The following CDK14 variants were observed in gnomAD, a reference collection of about 807,000 sequenced individuals.
The protein encoded by CDK14 is cyclin-dependent kinase 14.
In CDK14, 34 loss-of-function variants were observed where a neutral mutation model predicts 60.7. The ratio of observed to expected loss-of-function variants is 0.56; its 90% CI spans 0.43 to 0.75. The LOEUF (loss-of-function observed/expected upper bound fraction) is 0.75, where lower values mean the gene tolerates loss of function less well. Among genes scored for constraint, CDK14 ranks in the 30% least tolerant of loss-of-function variants. The pLI is 0.00. For missense variants in CDK14, 482 were observed against 564.1 expected (o/e 0.85, Z 1.47); for synonymous variants, 197 against 203.7 (o/e 0.97, Z 0.28).
intron 5 of CDK14, among the ~76,000 whole-genome samples, chr7:90,845,559 T>C (rs1465571022): frequency 6.6e-6 from 1 of 152,056 alleles, no homozygotes; most frequent in Non-Finnish European, 1.5e-5. Flanking sequence ...TATCCAAGTT[T>C]ACATGTATGG....
intron 2 of CDK14, among the ~76,000 whole-genome samples, chr7:90,685,539 C>T (rs1403767145): frequency 6.6e-6 from 1 of 151,840 alleles, no homozygotes; most frequent in Non-Finnish European, 1.5e-5. Context: ...GTGTTAGTGG[C>T]ACTGTCATAG....
chr7:91,045,923 A>T lies in CDK14; in HGVS notation c.1068A>T (p.Thr356=). The change falls in exon 11 of 15, where the codon ACA becomes ACT. Residue 356 remains threonine, a synonymous_variant. Transcript: ENST00000380050. ...TTCTTGGAACACCAAATGAGGACACATGGCCTGGAGTTCATTCTTTACCAC... is the reference window on the plus strand; with the variant it reads ...TTCTTGGAACACCAAATGAGGACACTTGGCCTGGAGTTCATTCTTTACCAC... ...FLVLGTPNED[T]WPGVHSLPHF... is the part of the protein sequence containing the mutation. The T allele has an allele frequency of 6.2e-7, 1 of 1,611,572 alleles. No individual in the cohort carries two copies. Among genetic ancestry groups the T allele is most frequent in the Non-Finnish European group, 8.5e-7 (1 of 1,177,770 alleles).
intron 4 of CDK14, among the ~76,000 whole-genome samples, chr7:90,759,765 C>G (rs912136588): frequency 6.6e-6 from 1 of 152,178 alleles, no homozygotes; most frequent in South Asian, 2.1e-4. Flanking sequence ...TTTTCTCAGA[C>G]TTCACATGCC....
intron 5 of CDK14, among the ~76,000 whole-genome samples, chr7:90,839,625 T>C (rs1259272131): frequency 6.6e-6 from 1 of 152,242 alleles, no homozygotes; most frequent in Non-Finnish European, 1.5e-5. Context: ...ACATATTACA[T>C]GTAAGAAACA....
chr7:91,055,162 C>T (rs1434137296), intron 11 of CDK14, among the ~76,000 whole-genome samples: 2 of 152,080 alleles, frequency 1.3e-5, no homozygotes, highest in Non-Finnish European at 2.9e-5. Flanking sequence ...GGATATTTTT[C>T]CTCATAGGTC....
chr7:90,843,185 C>G (rs943492523), intron 5 of CDK14, among the ~76,000 whole-genome samples: 1 of 152,090 alleles, frequency 6.6e-6, no homozygotes, highest in Non-Finnish European at 1.5e-5. Context: ...ATTTTGCACC[C>G]AATACTGCTA....
intron 1 of CDK14, among the ~76,000 whole-genome samples, chr7:90,603,086 T>A (rs1799348878): frequency 6.6e-6 from 1 of 152,212 alleles, no homozygotes; most frequent in Admixed American, 6.5e-5. Context: ...AGTGCTTCTA[T>A]CCAGACTAAA....
chr7:91,174,949 A>G (rs917717751), intron 14 of CDK14, among the ~76,000 whole-genome samples: 2 of 145,918 alleles, frequency 1.4e-5, no homozygotes, highest in Non-Finnish European at 3.0e-5. Context: ...TTCAGGAAAT[A>G]CAGAGAACGC....
At chr7:90,631,991 C>G (rs1278602941) in intron 2 of CDK14, 6 of 151,922 alleles carry the variant, frequency 3.9e-5, no homozygotes, top group Admixed American at 3.3e-4. Flanking sequence ...ACCAAAAATG[C>G]TTCTCAGAAT....
At chr7:91,007,996 G>A (rs1162916791) in intron 10 of CDK14, among the ~76,000 whole-genome samples, 2 of 151,924 alleles carry the variant, frequency 1.3e-5, no homozygotes, top group African/African-American at 4.8e-5. Flanking sequence ...TTCAGTGAGG[G>A]ATGGTGCTGA....
chr7:90,628,577 T>C (rs1799925551), intron 2 of CDK14, among the ~76,000 whole-genome samples: 2 of 152,116 alleles, frequency 1.3e-5, no homozygotes, highest in South Asian at 4.2e-4. Flanking sequence ...TTCCAGTGAT[T>C]GGGGAGGCTG....
chr7:91,022,637 G>C (rs758358088), intron 10 of CDK14, among the ~76,000 whole-genome samples: 42 of 152,146 alleles, frequency 2.8e-4, no homozygotes, highest in Non-Finnish European at 5.3e-4. Flanking sequence ...CATTGTTAAG[G>C]CTACAGGAGA....
intron 14 of CDK14, among the ~76,000 whole-genome samples, chr7:91,137,694 GTGTGT>G (rs750039852): frequency 0.021 from 2,170 of 105,224 alleles, 51 homozygotes; most frequent in African/African-American, 0.056. Flanking sequence ...CTTGTGGGGG[GTGTGT>G]GTGTGTGTGT....
chr7:90,701,147 G>A (rs1450652917), intron 2 of CDK14, among the ~76,000 whole-genome samples: 4 of 152,058 alleles, frequency 2.6e-5, no homozygotes, highest in East Asian at 3.9e-4. Context: ...GGTCAGGATC[G>A]GTGCAACAAA....
At chr7:90,597,376 C>T (rs1454185724) in intron 1 of CDK14, 1 of 152,214 alleles carries the variant, frequency 6.6e-6, no homozygotes, top group Non-Finnish European at 1.5e-5. Context: ...TGTCTTTAAA[C>T]CAAACAACAA....
At chr7:91,000,676 A>G (rs1170881022) in intron 10 of CDK14, among the ~76,000 whole-genome samples, 3 of 152,192 alleles carry the variant, frequency 2.0e-5, no homozygotes, top group South Asian at 4.1e-4. Flanking sequence ...GTTTTAGAAA[A>G]CAGAAAGACA....
At chr7:90,783,729 A>G (rs894379331) in intron 4 of CDK14, among the ~76,000 whole-genome samples, 2 of 152,228 alleles carry the variant, frequency 1.3e-5, no homozygotes, top group Non-Finnish European at 2.9e-5. Flanking sequence ...ATAGTGAGAT[A>G]TCATCTCACC....
At chr7:90,688,946 G>C (rs1801499293) in intron 2 of CDK14, among the ~76,000 whole-genome samples, 2 of 152,008 alleles carry the variant, frequency 1.3e-5, no homozygotes. Context: ...TGCTGTATGA[G>C]ACTTTGTGTT....
At chr7:90,737,084 T>C (rs942825862) in intron 3 of CDK14, among the ~76,000 whole-genome samples, 2 of 152,210 alleles carry the variant, frequency 1.3e-5, no homozygotes, top group Non-Finnish European at 2.9e-5. Flanking sequence ...CTAGGACTAG[T>C]TCCTGTGTGG....
Sources: gnomAD v4.1 joint callset for allele counts (sites outside exome capture counted in the v4.1 genomes callset) on GRCh38, gnomAD v4.1.1 for gene constraint, MANE v1.5 for transcripts, NCBI Gene and HGNC (gene_info 2026-07-23, HGNC 2026-07-21) for gene names.